The following ZFYVE9 variants were observed in gnomAD, a reference collection of about 807,000 sequenced individuals.
The protein encoded by ZFYVE9 is zinc finger FYVE domain-containing protein 9.
ZFYVE9 carries 43 observed loss-of-function variants against 126.7 expected under a neutral mutation model. The ratio of observed to expected loss-of-function variants is 0.34; its 90% CI spans 0.27 to 0.44. The LOEUF is 0.44. Among genes scored for constraint, ZFYVE9 ranks in the 20% least tolerant of loss-of-function variants. The pLI is 1.00. For missense variants in ZFYVE9, 1,476 were observed against 1,697.0 expected, an observed-to-expected ratio of 0.87 and a Z score of 2.29; for synonymous variants, 521 against 597.4, an observed-to-expected ratio of 0.87 and a Z score of 1.87.
intron 4 of ZFYVE9, among the ~76,000 whole-genome samples, chr1:52,251,140 T>G (rs1569584281): frequency 6.6e-6 from 1 of 152,058 alleles, no homozygotes; most frequent in East Asian, 1.9e-4. Context: ...GGCGCGATCT[T>G]GGCTCACTGC....
At position 52,255,973 on chromosome 1, in the gene ZFYVE9, TTTCTTTCTTTCC is replaced by T. The variant is rs1301203608; in HGVS notation, c.2179-7796_2179-7785del. Among the ~76,000 whole-genome samples, 446 of 124,500 alleles carry T rather than the reference TTTCTTTCTTTCC, an allele frequency of 3.6e-3. 11 individuals are homozygous for T. Among genetic ancestry groups the T allele is most frequent in the African/African-American group, 0.016 (424 of 27,058 alleles). 81.7% of individuals were successfully genotyped at this position (124,500 alleles called of 152,430 possible). A position where few individuals can be genotyped will look rare whatever the true frequency, so the allele number is the denominator to read the frequency against. On this transcript the variant is annotated intron_variant, in intron 4 of 18. Coordinates refer to ENST00000287727, the MANE Select transcript of ZFYVE9 (RefSeq NM_004799.4). ...CTTTTCTTTTCTTTTCTTTTCTTTC[TTTCTTTCTTTCC>T]TTCCTTCCTTCCTTCCTTCCTTCCT...
intron 13 of ZFYVE9, among the ~76,000 whole-genome samples, chr1:52,308,677 G>A (rs984520744): frequency 1.3e-5 from 2 of 152,040 alleles, no homozygotes; most frequent in Non-Finnish European, 2.9e-5. Flanking sequence ...TCATTATTCA[G>A]GTGTCACTGT....
intron 7 of ZFYVE9, 131 bp downstream of exon 7, chr1:52,268,763 G>A: frequency 1.8e-6 from 2 of 1,099,638 alleles, no homozygotes; most frequent in Non-Finnish European, 2.5e-6. Flanking sequence ...CACATATATG[G>A]ATAAAGTAAA....
chr1:52,257,533 A>G (rs1267060768), intron 4 of ZFYVE9, among the ~76,000 whole-genome samples: 2 of 152,228 alleles, frequency 1.3e-5, no homozygotes, highest in African/African-American at 2.4e-5. Flanking sequence ...TAGGCAGGTC[A>G]TACGGATCCT....
intron 13 of ZFYVE9, among the ~76,000 whole-genome samples, chr1:52,329,398 G>A (rs917203149): frequency 9.2e-5 from 14 of 151,966 alleles, no homozygotes; most frequent in African/African-American, 3.1e-4. Flanking sequence ...GCTATTAGAC[G>A]AAAACAGTAA....
At chr1:52,191,959 A>G (rs1644819691) in intron 1 of ZFYVE9, among the ~76,000 whole-genome samples, 1 of 152,140 alleles carries the variant, frequency 6.6e-6, no homozygotes, top group Non-Finnish European at 1.5e-5. Context: ...AGAGACTAAA[A>G]CATGAAAAAT....
intron 1 of ZFYVE9, chr1:52,160,213 T>C (rs1572063379): frequency 1.4e-6 from 1 of 734,440 alleles, no homozygotes; most frequent in East Asian, 2.5e-5. Flanking sequence ...CCTGTTAAGC[T>C]GCTCCCATCG....
At chr1:52,221,137 G>A (rs1645121077) in intron 2 of ZFYVE9, among the ~76,000 whole-genome samples, 1 of 152,202 alleles carries the variant, frequency 6.6e-6, no homozygotes, top group Non-Finnish European at 1.5e-5. Context: ...GGGATTTTAA[G>A]GCTTGGTTTA....
rs1165811494 is a variant in ZFYVE9, at chr1:52,346,171, G to A, written c.4228G>A (p.Gly1410Ser). 4.3e-6 allele frequency: 7 copies of A among 1,611,752 alleles called. No homozygotes were observed. Among genetic ancestry groups the A allele is most frequent in the Non-Finnish European group, 5.1e-6 (6 of 1,178,638 alleles). The change falls in exon 19 of 19, where the codon GGC becomes AGC. Residue 1410 changes from glycine (G) to serine (S), a missense_variant. Coordinates refer to ENST00000287727, the MANE Select transcript of ZFYVE9 (RefSeq NM_004799.4). Reference sequence around the variant, plus strand: ...TGGAGGGGCCTGCCAGCTTAGTGAGGGCCCCGTTGTCATGGAACTCATCTT... The same window carrying A: ...TGGAGGGGCCTGCCAGCTTAGTGAGAGCCCCGTTGTCATGGAACTCATCTT... ...IHGGACQLSE[G>S]PVVMELIFYI...
rs919627135 is a variant in ZFYVE9 at position 52,162,197 on chromosome 1, C to T, written c.-143+19794C>T. 1.3e-5 allele frequency: 3 copies of T among 231,404 alleles called. No homozygotes were observed. In the East Asian group the frequency reaches 3.2e-4, roughly 24 times the overall value. The allele number at this position is 231,404 out of a possible 1,614,324, so 14.3% of individuals were successfully genotyped here. On this transcript the variant is annotated intron_variant, in intron 1 of 18. Transcript: ENST00000287727. ...ATTTCATTATCAATAGTGTCTTGGG[C>T]TGCAGGAATGAGATCTTGATTGTGA...
intron 13 of ZFYVE9, among the ~76,000 whole-genome samples, chr1:52,329,710 C>G (rs1477378419): frequency 6.6e-6 from 1 of 151,774 alleles, no homozygotes; most frequent in African/African-American, 2.4e-5. Flanking sequence ...TCGAGACCAT[C>G]ATGGTTAATA....
In ZFYVE9 at chr1:52,237,721, A is replaced by G. The variant is rs1010354473; in HGVS notation, c.304A>G (p.Thr102Ala). 1 of 1,614,136 alleles carries G rather than the reference A, an allele frequency of 6.2e-7. No homozygotes were observed. Among genetic ancestry groups the G allele is most frequent in the Non-Finnish European group, 8.5e-7 (1 of 1,179,990 alleles). ...CTGTAATCTAAATCCAGAGATTGCC[A>G]CAATGTGGATTGATGAAAATGCTGT... ...QDCNLNPEIA[T>A]MWIDENAVAE... Residue 102 changes from threonine (T) to alanine (A), a missense_variant, in exon 4 of 19, where the codon ACA (threonine) becomes GCA (alanine). Transcript: ENST00000287727.
At chr1:52,144,645 T>A (rs541053797) in intron 1 of ZFYVE9, among the ~76,000 whole-genome samples, 15 of 151,184 alleles carry the variant, frequency 9.9e-5, no homozygotes, top group African/African-American at 3.6e-4. Context: ...TTTTTTTTTT[T>A]ACTTCCTTGC....
intron 1 of ZFYVE9, among the ~76,000 whole-genome samples, chr1:52,184,245 A>G (rs1279426332): frequency 7.0e-6 from 1 of 142,492 alleles, no homozygotes; most frequent in Non-Finnish European, 1.5e-5. Flanking sequence ...ATATTTTGAG[A>G]TGGATTTTCA....
intron 13 of ZFYVE9, 96 bp downstream of exon 13, chr1:52,304,021 A>C (rs1646059474): frequency 1.4e-6 from 1 of 731,510 alleles, no homozygotes; most frequent in South Asian, 3.1e-5. Flanking sequence ...ATAATTAATT[A>C]ACAATGAAAT....
chr1:52,296,868 C>A (rs936360516), intron 12 of ZFYVE9, among the ~76,000 whole-genome samples: 27 of 152,188 alleles, frequency 1.8e-4, no homozygotes, highest in African/African-American at 6.0e-4. Context: ...AGTTGGAATG[C>A]AGTGGCACGA....
chr1:52,313,719 C>T (rs906769329), intron 13 of ZFYVE9, among the ~76,000 whole-genome samples: 1 of 151,968 alleles, frequency 6.6e-6, no homozygotes, highest in African/African-American at 2.4e-5. Flanking sequence ...ACCTAATAAG[C>T]TTTAAAGAAA....
chr1:52,158,555 C>G (rs1465914682), intron 1 of ZFYVE9, among the ~76,000 whole-genome samples: 1 of 152,142 alleles, frequency 6.6e-6, no homozygotes, highest in Non-Finnish European at 1.5e-5. Flanking sequence ...CTAGGTTTTC[C>G]AAATCAGGAT....
At chr1:52,224,236 G>A (rs1645149703) in intron 2 of ZFYVE9, among the ~76,000 whole-genome samples, 1 of 152,162 alleles carries the variant, frequency 6.6e-6, no homozygotes, top group African/African-American at 2.4e-5. Flanking sequence ...TGGCTGTCCA[G>A]CGGGGATGTG....
Sources: gnomAD v4.1 joint callset for allele counts (sites outside exome capture counted in the v4.1 genomes callset) on GRCh38, gnomAD v4.1.1 for gene constraint, MANE v1.5 for transcripts, NCBI Gene and HGNC (gene_info 2026-07-23, HGNC 2026-07-21) for gene names.